The following EPHA4 variants were observed in gnomAD, a reference collection of about 807,000 sequenced individuals.
The protein encoded by EPHA4 is ephrin type-A receptor 4.
Under a neutral mutation model 108.3 loss-of-function variants are expected in EPHA4, and 19 were observed. The observed-to-expected ratio is 0.18, with a 90% CI of 0.12 to 0.26. The LOEUF (loss-of-function observed/expected upper bound fraction) is 0.26. EPHA4 is among the 10% of genes least tolerant of loss of function. The pLI is 1.00. For synonymous variants in EPHA4, 449 were observed against 455.5 expected (o/e 0.99, Z 0.18); for missense variants, 917 against 1,254.0 (o/e 0.73, Z 4.06).
At chr2:221,425,065 G>C (rs1036458663) in intron 17 of EPHA4, 144 bp downstream of exon 17, 3 of 151,996 alleles carry the variant, frequency 2.0e-5, no homozygotes, top group Non-Finnish European at 4.4e-5. Context: ...TGTCAAAAAA[G>C]GACTGAAATC....
chr2:221,481,122 T>TA (rs1347909277), intron 5 of EPHA4, among the ~76,000 whole-genome samples: 5 of 152,148 alleles, frequency 3.3e-5, no homozygotes, highest in African/African-American at 9.7e-5. Context: ...GGAGGGGTGG[T>TA]AACTTTTTCA....
intron 5 of EPHA4, among the ~76,000 whole-genome samples, chr2:221,470,780 C>T (rs1691459156): frequency 6.6e-6 from 1 of 152,084 alleles, no homozygotes; most frequent in African/African-American, 2.4e-5. Context: ...TTTGAGAATG[C>T]ATCTTACACA....
At chr2:221,470,381 G>T (rs1001595448) in intron 5 of EPHA4, among the ~76,000 whole-genome samples, 1 of 151,748 alleles carries the variant, frequency 6.6e-6, no homozygotes, top group Non-Finnish European at 1.5e-5. Context: ...GAAGGCCATT[G>T]GGGTGAAGTT....
intron 3 of EPHA4, among the ~76,000 whole-genome samples, chr2:221,559,348 C>T (rs1307147445): frequency 6.6e-6 from 1 of 152,054 alleles, no homozygotes; most frequent in Non-Finnish European, 1.5e-5. Context: ...ATTAGTATTT[C>T]CCAAAGAGAA....
chr2:221,569,292 C>T (rs1353861494), intron 1 of EPHA4: 1 of 152,252 alleles, frequency 6.6e-6, no homozygotes, highest in Non-Finnish European at 1.5e-5. Context: ...TTCCCTTCCA[C>T]AACCAAGTAA....
intron 2 of EPHA4, among the ~76,000 whole-genome samples, chr2:221,565,440 T>C (rs1694600629): frequency 1.3e-5 from 2 of 152,192 alleles, no homozygotes; most frequent in South Asian, 4.1e-4. Context: ...ACAGATCTGT[T>C]ATAAATCAGC....
intron 15 of EPHA4, among the ~76,000 whole-genome samples, chr2:221,427,891 C>T (rs988195579): frequency 6.6e-6 from 1 of 151,930 alleles, no homozygotes; most frequent in African/African-American, 2.4e-5. Flanking sequence ...AATATTTTAA[C>T]AAAGATTTGT....
intron 2 of EPHA4, among the ~76,000 whole-genome samples, chr2:221,566,969 G>GGAAGAAGAA (rs71050343): frequency 0.018 from 501 of 27,652 alleles, 158 homozygotes; most frequent in Middle Eastern, 0.11. Flanking sequence ...AAGAGGAAGA[G>GGAAGAAGAA]GAAGAAGAAG....
intron 17 of EPHA4, chr2:221,422,034 G>A (rs1380757199): frequency 3.3e-5 from 5 of 150,252 alleles, no homozygotes; most frequent in Non-Finnish European, 7.4e-5. Context: ...GAGCCCAAGA[G>A]TTTGAGACCA....
At chr2:221,431,739 A>G (rs1372980875) in intron 14 of EPHA4, among the ~76,000 whole-genome samples, 1 of 152,126 alleles carries the variant, frequency 6.6e-6, no homozygotes, top group Non-Finnish European at 1.5e-5. Context: ...AATTGTTATA[A>G]CCCCTCAGAC....
In EPHA4 at chr2:221,436,395, T is replaced by C. The variant is rs751407269; in HGVS notation, c.2346+4A>G. ...AAAGCCCAGATGTCACCGATCTTTCTTACCCTGGTGGTGTAAGCTGCTTCC... is the reference window on the plus strand; with the variant it reads ...AAAGCCCAGATGTCACCGATCTTTCCTACCCTGGTGGTGTAAGCTGCTTCC... On this transcript the variant is annotated splice_donor_region_variant and intron_variant, in intron 13 of 17. Transcript: ENST00000281821. 5.0e-6 allele frequency: 8 copies of C among 1,614,106 alleles called. No individual in the cohort carries two copies. The East Asian group carries it at 1.3e-4, about 27-fold the overall frequency.
intron 3 of EPHA4, among the ~76,000 whole-genome samples, chr2:221,519,662 A>G (rs1326913900): frequency 4.6e-5 from 7 of 152,228 alleles, no homozygotes; most frequent in Admixed American, 1.3e-4. Flanking sequence ...ATGTAAGGAC[A>G]TGCTACCTGG....
At chr2:221,438,721 G>T (rs1291738847) in intron 11 of EPHA4, among the ~76,000 whole-genome samples, 1 of 152,092 alleles carries the variant, frequency 6.6e-6, no homozygotes, top group Non-Finnish European at 1.5e-5. Flanking sequence ...GGAGGCAGAG[G>T]TTGCAGTGAG....
chr2:221,486,668 A>C (rs1691982318), intron 4 of EPHA4, among the ~76,000 whole-genome samples: 1 of 151,576 alleles, frequency 6.6e-6, no homozygotes, highest in South Asian at 2.1e-4. Context: ...TGGGAGGCGG[A>C]GGTTGCAGTG....
At chr2:221,498,448 A>C (rs1559266978) in intron 4 of EPHA4, among the ~76,000 whole-genome samples, 1 of 152,214 alleles carries the variant, frequency 6.6e-6, no homozygotes, top group Non-Finnish European at 1.5e-5. Flanking sequence ...TTATTAAACT[A>C]ATCACACAAA....
intron 9 of EPHA4, 38 bp downstream of exon 9, chr2:221,446,085 G>A: frequency 1.4e-6 from 2 of 1,382,024 alleles, no homozygotes; most frequent in South Asian, 3.0e-5. Context: ...CGTGTGACAT[G>A]CTCTAAAAAT....
intron 14 of EPHA4, among the ~76,000 whole-genome samples, chr2:221,433,512 T>C (rs1189575860): frequency 6.6e-6 from 1 of 152,226 alleles, no homozygotes; most frequent in South Asian, 2.1e-4. Flanking sequence ...TTTTTTTTCT[T>C]TCTTTCTCAC....
At chr2:221,494,055 C>T (rs549498258) in intron 4 of EPHA4, among the ~76,000 whole-genome samples, 88 of 152,322 alleles carry the variant, frequency 5.8e-4, no homozygotes, top group African/African-American at 1.7e-3. Flanking sequence ...AAATAATAAT[C>T]TCTCATTTAC....
chr2:221,443,552 C>A lies in EPHA4; in HGVS notation c.1829G>T (p.Arg610Leu). The A allele has an allele frequency of 6.2e-7, 1 of 1,613,972 alleles. No homozygotes were observed. Among genetic ancestry groups the A allele is most frequent in the South Asian group, 1.1e-5 (1 of 91,064 alleles). The part of the protein sequence containing the change: ...FTYEDPNQAV[R>L]EFAKEIDASC... Reference sequence around the variant, plus strand: ...TGCGTCAATTTCTTTGGCAAACTCTCGCACTGCTTGGTTGGGATCTTCGTA... The same window carrying A: ...TGCGTCAATTTCTTTGGCAAACTCTAGCACTGCTTGGTTGGGATCTTCGTA... Residue 610 changes from arginine to leucine, a missense_variant, in exon 10 of 18, where the codon CGA becomes CTA. This residue lies in a region of EPHA4 where 758 missense variants were observed against 1,076.7 expected (regional missense o/e 0.70). Coordinates refer to ENST00000281821, the MANE Select transcript of EPHA4 (RefSeq NM_004438.5).
Sources: allele counts gnomAD v4.1 joint callset (sites outside exome capture counted in the v4.1 genomes callset), GRCh38; gene constraint gnomAD v4.1.1; regional missense constraint gnomAD v4.1.1; transcripts MANE v1.5; gene names NCBI Gene and HGNC (gene_info 2026-07-23, HGNC 2026-07-21).